PHIP: variants seen among roughly 807,000 people sequenced by gnomAD.
PHIP encodes the protein PH-interacting protein.
In PHIP, 54 loss-of-function variants were observed where a neutral mutation model predicts 236.8. That is an observed-to-expected ratio of 0.23 (90% CI 0.18 to 0.29). The LOEUF (loss-of-function observed/expected upper bound fraction) is 0.29. Ranked by LOEUF, PHIP falls within the 10% of genes least tolerant of loss-of-function variation. PHIP has a pLI of 1.00. For synonymous variants in PHIP, 756 were observed against 718.9 expected (o/e 1.05, Z -0.83); for missense variants, 1,370 against 2,190.8 (o/e 0.63, Z 7.48).
At chr6:79,043,550 A>T (rs1381880851) in intron 6 of PHIP, among the ~76,000 whole-genome samples, 1 of 152,118 alleles carries the variant, frequency 6.6e-6, no homozygotes, top group Non-Finnish European at 1.5e-5. Context: ...ATCTTGCCAA[A>T]CACCTGTATA....
chr6:79,012,088 A>C (rs1770607376), intron 15 of PHIP, among the ~76,000 whole-genome samples: 1 of 151,714 alleles, frequency 6.6e-6, no homozygotes, highest in Non-Finnish European at 1.5e-5. Flanking sequence ...ATTTCAAAAA[A>C]AGAATTTACA....
At chr6:78,970,718 C>A in intron 25 of PHIP, 63 bp downstream of exon 25, 3 of 1,058,646 alleles carry the variant, frequency 2.8e-6, no homozygotes, top group Non-Finnish European at 4.2e-6. Flanking sequence ...ACCTTTGATA[C>A]AATTTTCTCC....
intron 33 of PHIP, 150 bp downstream of exon 33, chr6:78,955,463 A>G: frequency 1.8e-6 from 1 of 555,026 alleles, no homozygotes; most frequent in Non-Finnish European, 3.2e-6. Context: ...CTATAAGAAG[A>G]ATATTCTACT....
chr6:78,997,170 G>T (rs946305551), intron 19 of PHIP, among the ~76,000 whole-genome samples: 9 of 151,824 alleles, frequency 5.9e-5, no homozygotes, highest in Admixed American at 5.3e-4. Flanking sequence ...CTCCTATTTG[G>T]TCAATCCAAA....
chr6:79,052,681 A>C (rs1453851748), intron 6 of PHIP, among the ~76,000 whole-genome samples: 1 of 152,228 alleles, frequency 6.6e-6, no homozygotes, highest in Non-Finnish European at 1.5e-5. Flanking sequence ...AAATTTAATC[A>C]GCTTGACACC....
intron 17 of PHIP, 50 bp from the exon 18 acceptor site, chr6:78,998,441 C>G: frequency 6.7e-7 from 1 of 1,493,548 alleles, no homozygotes; most frequent in Non-Finnish European, 9.3e-7. Context: ...ACTATTCAAA[C>G]CATTTTACTC....
chr6:78,937,780 C>T lies in PHIP; in HGVS notation c.*2913G>A, dbSNP rs1007250361. Reference sequence around the variant, plus strand: ...AAAGCTATGTATCTATTGCCCAGGGCTGTGAGTCTCTGATTAGACTAAATA... The same window carrying T: ...AAAGCTATGTATCTATTGCCCAGGGTTGTGAGTCTCTGATTAGACTAAATA... On this transcript the variant is annotated 3_prime_UTR_variant, in exon 40 of 40. Coordinates refer to ENST00000275034, the MANE Select transcript of PHIP (RefSeq NM_017934.7). 1.3e-5 allele frequency: 2 copies of T among 151,692 alleles called. No homozygotes were observed. The highest frequency in any genetic ancestry group is 4.8e-5 in the African/African-American group (2 of 41,412). The allele number at this position is 151,692 out of a possible 1,614,324, so 9.4% of individuals were successfully genotyped here. A position where few individuals can be genotyped will look rare whatever the true frequency, so the allele number is the denominator to read the frequency against.
At chr6:79,012,329 C>T (rs76552004) in intron 15 of PHIP, among the ~76,000 whole-genome samples, 5,565 of 151,742 alleles carry the variant, frequency 0.037, 100 homozygotes, top group Middle Eastern at 0.058. Flanking sequence ...AGTCTACATT[C>T]CTTATTTTCT....
intron 7 of PHIP, among the ~76,000 whole-genome samples, chr6:79,029,227 A>G (rs902411444): frequency 5.9e-5 from 9 of 152,182 alleles, no homozygotes; most frequent in Non-Finnish European, 1.3e-4. Context: ...CATGACCCAC[A>G]GAAGTTTGCT....
intron 39 of PHIP, among the ~76,000 whole-genome samples, chr6:78,944,196 G>C (rs1773676238): frequency 6.6e-6 from 1 of 152,052 alleles, no homozygotes; most frequent in Non-Finnish European, 1.5e-5. Context: ...GGATACAAAA[G>C]AGAGAAAGAA....
At chr6:79,051,170 G>C (rs1044769760) in intron 6 of PHIP, among the ~76,000 whole-genome samples, 5 of 152,100 alleles carry the variant, frequency 3.3e-5, no homozygotes, top group African/African-American at 1.2e-4. Flanking sequence ...ATTAATCTGG[G>C]AAATTATTCA....
intron 35 of PHIP, among the ~76,000 whole-genome samples, chr6:78,952,245 C>T (rs913519154): frequency 6.6e-6 from 1 of 151,694 alleles, no homozygotes; most frequent in Non-Finnish European, 1.5e-5. Context: ...ATGGTGAAAC[C>T]CCACCTCTAC....
chr6:78,961,640 G>C, intron 31 of PHIP, 50 bp downstream of exon 31: 1 of 1,590,982 alleles, frequency 6.3e-7, no homozygotes, highest in Non-Finnish European at 8.6e-7. Context: ...TAAATGGGTG[G>C]AAAGATCACC....
chr6:79,060,336 A>G lies in PHIP; in HGVS notation c.439+142T>C, dbSNP rs990351255. On this transcript the variant is annotated intron_variant, in intron 6 of 39. Coordinates refer to ENST00000275034, the MANE Select transcript of PHIP (RefSeq NM_017934.7). ...TTTCACTATTAAAACTACTACTAAG[A>G]AAAAAAATCTATTTTTTTCTTTTTG... The G allele has an allele frequency of 1.1e-5, 6 of 547,716 alleles. No individual in the cohort carries two copies. The African/African-American group carries it at 1.1e-4, about 10-fold the overall frequency. 33.9% of individuals were successfully genotyped at this position (547,716 alleles called of 1,614,324 possible).
At chr6:79,002,622 C>T (rs1354678508) in intron 16 of PHIP, among the ~76,000 whole-genome samples, 2 of 152,072 alleles carry the variant, frequency 1.3e-5, no homozygotes, top group Non-Finnish European at 2.9e-5. Flanking sequence ...GGGTTTGGTA[C>T]TTTCCAAGGT....
At chr6:79,071,962 A>G (rs1223748742) in intron 4 of PHIP, among the ~76,000 whole-genome samples, 1 of 151,968 alleles carries the variant, frequency 6.6e-6, no homozygotes, top group Non-Finnish European at 1.5e-5. Context: ...AAAAAAAGAA[A>G]ACCAAAAACT....
chr6:79,019,290 C>A, intron 9 of PHIP, 131 bp from the exon 10 acceptor site: 1 of 636,184 alleles, frequency 1.6e-6, no homozygotes, highest in Non-Finnish European at 2.8e-6. Context: ...CTAAAAACAA[C>A]TTAGAAATCA....
At chr6:78,942,440 G>A (rs1416753300) in intron 39 of PHIP, among the ~76,000 whole-genome samples, 2 of 152,226 alleles carry the variant, frequency 1.3e-5, no homozygotes, top group South Asian at 4.1e-4. Flanking sequence ...CTGAGATCAC[G>A]CCACTGCACT....
At chr6:78,942,278 T>C (rs748084090) in intron 39 of PHIP, among the ~76,000 whole-genome samples, 1 of 151,926 alleles carries the variant, frequency 6.6e-6, no homozygotes, top group African/African-American at 2.4e-5. Flanking sequence ...AGGTCAGGAG[T>C]TCGAGACCAG....
Sources: allele counts gnomAD v4.1 joint callset (sites outside exome capture counted in the v4.1 genomes callset), GRCh38; gene constraint gnomAD v4.1.1; transcripts MANE v1.5; gene names NCBI Gene and HGNC (gene_info 2026-07-23, HGNC 2026-07-21).